The following FAM13A variants were observed in gnomAD, a reference collection of about 807,000 sequenced individuals.
FAM13A encodes the protein family with sequence similarity 13 member A.
In FAM13A, 76 loss-of-function variants were observed where a neutral mutation model predicts 129.6. The observed-to-expected ratio is 0.59, with a 90% CI of 0.49 to 0.71. The LOEUF (loss-of-function observed/expected upper bound fraction) is 0.71. Ranked by LOEUF, FAM13A falls within the 30% of genes least tolerant of loss-of-function variation. The pLI is 0.00. For synonymous variants in FAM13A, 443 were observed against 449.9 expected (o/e 0.98, Z 0.20); for missense variants, 1,108 against 1,249.3 (o/e 0.89, Z 1.70).
Position 88,728,508 on chromosome 4 carries a change from A to G in FAM13A, c.*25T>C, listed in dbSNP as rs9224. 634,109 of 1,612,796 alleles carry G rather than the reference A, an allele frequency of 0.39. 138,470 individuals are homozygous for G. The highest frequency in any genetic ancestry group is 0.85 in the East Asian group (38,092 of 44,828). Reference sequence around the variant, plus strand: ...ACAGTAAACTCTCACCGCAGCTGCCAGCCCCCTGTGCTTGGCCATGCCCCT... The same window carrying G: ...ACAGTAAACTCTCACCGCAGCTGCCGGCCCCCTGTGCTTGGCCATGCCCCT... On this transcript the variant is annotated 3_prime_UTR_variant, in exon 24 of 24. Transcript: ENST00000264344.
chr4:88,857,795 GA>G (rs1459470692), intron 6 of FAM13A, among the ~76,000 whole-genome samples: 1 of 152,114 alleles, frequency 6.6e-6, no homozygotes, highest in African/African-American at 2.4e-5. Flanking sequence ...CATTCCAGCA[GA>G]AATGTTTGTG....
chr4:88,840,236 G>A (rs765096856), intron 7 of FAM13A, among the ~76,000 whole-genome samples: 3 of 152,164 alleles, frequency 2.0e-5, no homozygotes, highest in Non-Finnish European at 2.9e-5. Context: ...CTGACCTTTG[G>A]ATTTGCCATG....
At chr4:88,938,311 T>C in intron 4 of FAM13A, 70 bp from the exon 5 acceptor site, 1 of 1,249,726 alleles carries the variant, frequency 8.0e-7, no homozygotes, top group Non-Finnish European at 1.1e-6. Context: ...TGACTCAGAC[T>C]TGTATTTTGA....
intron 14 of FAM13A, among the ~76,000 whole-genome samples, chr4:88,750,949 G>A (rs547372993): frequency 6.6e-6 from 1 of 152,248 alleles, no homozygotes; most frequent in Admixed American, 6.5e-5. Context: ...ACTCTTCCAC[G>A]TGATGGCATC....
At chr4:88,749,694 G>A (rs559888376) in intron 16 of FAM13A, 77 bp downstream of exon 16, 32 of 1,503,664 alleles carry the variant, frequency 2.1e-5, no homozygotes, top group Admixed American at 3.7e-5. Context: ...ACCTTTCGTC[G>A]TTTCTTTGAG....
At chr4:88,822,076 TA>T (rs1451131569) in intron 7 of FAM13A, among the ~76,000 whole-genome samples, 2 of 152,228 alleles carry the variant, frequency 1.3e-5, no homozygotes, top group Non-Finnish European at 2.9e-5. Flanking sequence ...CTATTTGATT[TA>T]AAATTTTTTT....
chr4:88,759,223 C>G (rs1295340498), intron 13 of FAM13A: 3 of 227,268 alleles, frequency 1.3e-5, no homozygotes, highest in South Asian at 1.1e-4. Context: ...GAGTATGGCT[C>G]TCATGACTGT....
intron 5 of FAM13A, among the ~76,000 whole-genome samples, chr4:88,918,362 AAT>A (rs1750441425): frequency 6.6e-6 from 1 of 152,222 alleles, no homozygotes; most frequent in Non-Finnish European, 1.5e-5. Context: ...AACCCTATGA[AAT>A]ATGTGCTTTA....
intron 6 of FAM13A, among the ~76,000 whole-genome samples, chr4:88,868,395 C>T (rs1442417618): frequency 2.6e-5 from 4 of 152,158 alleles, no homozygotes; most frequent in Non-Finnish European, 4.4e-5. Context: ...TGCCACTTAC[C>T]AAGTCCAGCT....
At chr4:88,877,429 G>C (rs1250985020) in intron 6 of FAM13A, among the ~76,000 whole-genome samples, 2 of 152,166 alleles carry the variant, frequency 1.3e-5, no homozygotes, top group East Asian at 3.8e-4. Flanking sequence ...GTCTGGGAAT[G>C]ACCATCATTA....
At chr4:89,047,029 G>C (rs1476771125) in intron 1 of FAM13A, among the ~76,000 whole-genome samples, 2 of 152,152 alleles carry the variant, frequency 1.3e-5, no homozygotes, top group African/African-American at 4.8e-5. Context: ...AGCAAAAGCT[G>C]GAGCTTCTTC....
chr4:88,902,679 T>A (rs537385419), intron 6 of FAM13A, among the ~76,000 whole-genome samples: 1 of 152,176 alleles, frequency 6.6e-6, no homozygotes, highest in African/African-American at 2.4e-5. Context: ...GCTGGAAGCA[T>A]TCCCGTTGAA....
chr4:89,047,031 A>G (rs1770943172), intron 1 of FAM13A, among the ~76,000 whole-genome samples: 1 of 152,198 alleles, frequency 6.6e-6, no homozygotes, highest in South Asian at 2.1e-4. Flanking sequence ...CAAAAGCTGG[A>G]GCTTCTTCAT....
intron 6 of FAM13A, among the ~76,000 whole-genome samples, chr4:88,853,715 GTGAGTCAGTGGACTCCATT>G (rs1738011506): frequency 1.3e-5 from 2 of 152,224 alleles, no homozygotes; most frequent in African/African-American, 4.8e-5. Flanking sequence ...GGGTGTGTCT[GTGAGTCAGTGGACTCCATT>G]TGAGTCAGTG....
At chr4:88,963,186 C>T (rs1001013019) in intron 4 of FAM13A, among the ~76,000 whole-genome samples, 1 of 152,026 alleles carries the variant, frequency 6.6e-6, no homozygotes. Context: ...AATGTGATAA[C>T]GGTGTCATTA....
intron 4 of FAM13A, among the ~76,000 whole-genome samples, chr4:88,940,456 A>G (rs1012669701): frequency 6.6e-6 from 1 of 152,240 alleles, no homozygotes; most frequent in African/African-American, 2.4e-5. Flanking sequence ...AGTGCCACCT[A>G]GTTTCTTCTT....
In FAM13A at chr4:89,050,444, G is replaced by A. The variant is rs191393497; in HGVS notation, c.27+6494C>T. 2.6e-5 allele frequency among the ~76,000 whole-genome samples: 4 copies of A among 152,074 alleles called. No individual in the cohort carries two copies. In the East Asian group the frequency reaches 5.8e-4, roughly 22 times the overall value. Reference sequence around the variant, plus strand: ...TGGTCTTGAACTCCTGGCCTTAAGTGATCCACCTGCATTGGCATCCCAAAG... The same window carrying A: ...TGGTCTTGAACTCCTGGCCTTAAGTAATCCACCTGCATTGGCATCCCAAAG... On this transcript the variant is annotated intron_variant, in intron 1 of 23. Transcript: ENST00000264344.
At chr4:88,993,340 T>A (rs1763153478) in intron 3 of FAM13A, among the ~76,000 whole-genome samples, 1 of 152,200 alleles carries the variant, frequency 6.6e-6, no homozygotes, top group African/African-American at 2.4e-5. Flanking sequence ...TAATTCAAAG[T>A]GAGTCTATGG....
intron 5 of FAM13A, among the ~76,000 whole-genome samples, chr4:88,915,908 T>C (rs994636084): frequency 6.6e-6 from 1 of 152,214 alleles, no homozygotes. Context: ...CCTCTGCACA[T>C]GCCAGCTCCC....
Sources: gnomAD v4.1 joint callset for allele counts (sites outside exome capture counted in the v4.1 genomes callset) on GRCh38, gnomAD v4.1.1 for gene constraint, MANE v1.5 for transcripts, NCBI Gene and HGNC (gene_info 2026-07-23, HGNC 2026-07-21) for gene names.